Variants in ROBO1 observed in about 807,000 individuals in gnomAD.
ROBO1 encodes the protein roundabout homolog 1.
Under a neutral mutation model 195.9 loss-of-function variants are expected in ROBO1, and 149 were observed. The ratio of observed to expected loss-of-function variants is 0.76; its 90% confidence interval spans 0.67 to 0.87. The LOEUF is 0.87. Ranked by LOEUF, ROBO1 falls within the 40% of genes least tolerant of loss-of-function variation. ROBO1 has a pLI of 0.00. For missense variants in ROBO1, 1,933 were observed against 2,068.3 expected (o/e 0.93, Z 1.27); for synonymous variants, 816 against 733.2 (o/e 1.11, Z -1.82).
chr3:79,740,238 T>TATATATATAAATTTATATATAA lies in ROBO1; in HGVS notation c.-51+27513_-51+27514insTTATATATAAATTTATATATAT, dbSNP rs1703582102. 1.9e-4 allele frequency among the ~76,000 whole-genome samples: 4 copies of TATATATATAAATTTATATATAA among 21,348 alleles called. No homozygotes were observed. In the South Asian group the frequency reaches 8.0e-3, roughly 43 times the overall value. 14.0% of individuals were successfully genotyped at this position (21,348 alleles called of 152,430 possible). A position where few individuals can be genotyped will look rare whatever the true frequency, so the allele number is the denominator to read the frequency against. On this transcript the variant is annotated intron_variant, in intron 1 of 30. Transcript: ENST00000464233. ...TTATATATATAAATTTATATATAAA[T>TATATATATAAATTTATATATAA]ATATATATATATATACTGAACTGCA...
intron 1 of ROBO1, among the ~76,000 whole-genome samples, chr3:79,711,986 G>A (rs1247974577): frequency 2.0e-5 from 3 of 151,570 alleles, no homozygotes; most frequent in Non-Finnish European, 4.4e-5. Flanking sequence ...ATTGATCAAT[G>A]TTGTGTGTGT....
chr3:78,832,580 GCTAA>G (rs1488599876), intron 4 of ROBO1, among the ~76,000 whole-genome samples: 7 of 152,132 alleles, frequency 4.6e-5, no homozygotes, highest in Admixed American at 2.0e-4. Flanking sequence ...CTAACTTTGT[GCTAA>G]CAGCCAGAGA....
At chr3:78,601,240 T>G (rs1043927186) in intron 29 of ROBO1, among the ~76,000 whole-genome samples, 2 of 152,184 alleles carry the variant, frequency 1.3e-5, no homozygotes, top group Admixed American at 6.6e-5. Flanking sequence ...TGACGTTCTC[T>G]GTAGTGGAAG....
At chr3:78,874,134 T>C (rs331141) in intron 4 of ROBO1, among the ~76,000 whole-genome samples, 119,806 of 151,812 alleles carry the variant, frequency 0.79, 47,483 homozygotes, top group Middle Eastern at 0.89. Flanking sequence ...AGATTAGGTA[T>C]TAAAATATAC....
chr3:78,659,541 G>A (rs761231291), intron 17 of ROBO1, 145 bp downstream of exon 17: 99 of 551,182 alleles, frequency 1.8e-4, no homozygotes, highest in Non-Finnish European at 2.5e-4. Context: ...AAACAAGAAA[G>A]CGTTTTAAAA....
intron 2 of ROBO1, among the ~76,000 whole-genome samples, chr3:79,329,418 C>A (rs1469964427): frequency 6.6e-6 from 1 of 152,160 alleles, no homozygotes; most frequent in East Asian, 1.9e-4. Flanking sequence ...AGTTTACCAT[C>A]TCCCTTAACA....
At position 79,500,396 on chromosome 3, in the gene ROBO1, C is replaced by G. The variant is rs578035875; in HGVS notation, c.88+89428G>C. On this transcript the variant is annotated intron_variant, in intron 2 of 30. Coordinates refer to ENST00000464233, the MANE Select transcript of ROBO1 (RefSeq NM_002941.4). ...CCACCTGCCTCGGCTTCCCAAAGTG[C>G]TGGGATAACAGGCGTGAGCCACCGG... is the stretch of plus-strand genomic sequence containing the variant. Among the ~76,000 whole-genome samples the G allele has an allele frequency of 2.6e-5, 4 of 152,322 alleles. No homozygotes were observed. The South Asian group carries it at 8.3e-4, about 32-fold the overall frequency.
chr3:78,635,679 T>A, intron 23 of ROBO1, 94 bp downstream of exon 23: 1 of 1,113,112 alleles, frequency 9.0e-7, no homozygotes, highest in Non-Finnish European at 1.3e-6. Context: ...GAAGAAAAGA[T>A]TTTACTTGCT....
At chr3:78,678,144 A>G (rs1280310824) in intron 10 of ROBO1, among the ~76,000 whole-genome samples, 1 of 152,136 alleles carries the variant, frequency 6.6e-6, no homozygotes, top group Non-Finnish European at 1.5e-5. Flanking sequence ...AAGACACAAC[A>G]TACCAGAATC....
intron 1 of ROBO1, among the ~76,000 whole-genome samples, chr3:79,606,393 C>G (rs1944486239): frequency 6.6e-6 from 1 of 151,954 alleles, no homozygotes; most frequent in Non-Finnish European, 1.5e-5. Flanking sequence ...CTCTTTGTGT[C>G]TGTCTCCTCA....
At chr3:79,115,948 T>C (rs1246729805) in intron 3 of ROBO1, among the ~76,000 whole-genome samples, 1 of 152,182 alleles carries the variant, frequency 6.6e-6, no homozygotes, top group Non-Finnish European at 1.5e-5. Context: ...GCTATAACAG[T>C]ATAATGACCA....
chr3:78,987,245 T>A (rs990932526), intron 3 of ROBO1, among the ~76,000 whole-genome samples: 21 of 152,058 alleles, frequency 1.4e-4, no homozygotes, highest in South Asian at 2.1e-4. Flanking sequence ...TAGTTTTTTT[T>A]AAAATAAGTA....
intron 4 of ROBO1, among the ~76,000 whole-genome samples, chr3:78,882,085 TA>T (rs34952559): frequency 0.31 from 47,863 of 151,958 alleles, 7,688 homozygotes; most frequent in Middle Eastern, 0.36. Flanking sequence ...AGATTTTGGA[TA>T]CCTTTTCTTA....
intron 1 of ROBO1, among the ~76,000 whole-genome samples, chr3:79,744,151 T>G (rs576257096): frequency 6.6e-6 from 1 of 152,302 alleles, no homozygotes; most frequent in South Asian, 2.1e-4. Context: ...AAGTGAGTAA[T>G]GTTATGCTGC....
chr3:78,794,742 C>T (rs2084132862), intron 4 of ROBO1, among the ~76,000 whole-genome samples: 1 of 152,060 alleles, frequency 6.6e-6, no homozygotes, highest in Non-Finnish European at 1.5e-5. Flanking sequence ...ACCATCATGC[C>T]TGGCTAATTT....
chr3:79,050,626 G>A (rs958564819), intron 3 of ROBO1, among the ~76,000 whole-genome samples: 2 of 152,068 alleles, frequency 1.3e-5, no homozygotes, highest in African/African-American at 2.4e-5. Flanking sequence ...GCACCGTATG[G>A]CACTTATTCT....
chr3:79,643,740 A>T (rs1945735297), intron 1 of ROBO1, among the ~76,000 whole-genome samples: 1 of 152,150 alleles, frequency 6.6e-6, no homozygotes, highest in African/African-American at 2.4e-5. Context: ...TTGACTAAAC[A>T]TGAAAAGCAA....
At chr3:79,476,331 G>A (rs1575880056) in intron 2 of ROBO1, among the ~76,000 whole-genome samples, 1 of 152,106 alleles carries the variant, frequency 6.6e-6, no homozygotes, top group South Asian at 2.1e-4. Flanking sequence ...ACAGCGTAGA[G>A]ATTCCTTAAA....
At position 78,675,500 on chromosome 3, in the gene ROBO1, G is replaced by A. The variant is rs181287052; in HGVS notation, c.1343-5199C>T. Among the ~76,000 whole-genome samples, 727 of 152,234 alleles carry A rather than the reference G, an allele frequency of 4.8e-3. 5 individuals carry two copies. Among genetic ancestry groups the A allele is most frequent in the African/African-American group, 0.016 (678 of 41,536 alleles). ...TTTTCCAATGGGCTTAAAAAACGGC[G>A]CACCAGGAGATTATATCCCGCACTT... is the stretch of plus-strand genomic sequence containing the variant. On this transcript the variant is annotated intron_variant, in intron 10 of 30. Transcript: ENST00000464233.
Sources: gnomAD v4.1 joint callset for allele counts (sites outside exome capture counted in the v4.1 genomes callset) on GRCh38, gnomAD v4.1.1 for gene constraint, MANE v1.5 for transcripts, NCBI Gene and HGNC (gene_info 2026-07-23, HGNC 2026-07-21) for gene names.